CNTN5: variants seen among roughly 807,000 people sequenced by gnomAD.
CNTN5 encodes contactin 5, also known as contactin-5.
A neutral mutation model predicts 129.1 loss-of-function variants in CNTN5; 77 were observed. The ratio of observed to expected loss-of-function variants is 0.60; its 90% confidence interval spans 0.50 to 0.72. CNTN5 has a LOEUF of 0.72. Ranked by LOEUF, CNTN5 falls within the 30% of genes least tolerant of loss-of-function variation. The pLI is 0.00. For missense variants in CNTN5, 1,478 were observed against 1,328.8 expected (o/e 1.11, Z -1.75); for synonymous variants, 509 against 465.6 (o/e 1.09, Z -1.20).
intron 3 of CNTN5, among the ~76,000 whole-genome samples, chr11:99,791,787 A>G (rs1238287412): frequency 6.6e-6 from 1 of 152,032 alleles, no homozygotes; most frequent in African/African-American, 2.4e-5. Flanking sequence ...TTCTTAGAGC[A>G]GTGTTTTGTA....
chr11:99,240,720 A>G (rs1204311434), intron 1 of CNTN5, among the ~76,000 whole-genome samples: 1 of 152,198 alleles, frequency 6.6e-6, no homozygotes, highest in African/African-American at 2.4e-5. Flanking sequence ...AAGAATGAAA[A>G]TTATGATATT....
chr11:99,802,141 T>C (rs1351600390), intron 3 of CNTN5, among the ~76,000 whole-genome samples: 1 of 152,250 alleles, frequency 6.6e-6, no homozygotes, highest in Non-Finnish European at 1.5e-5. Flanking sequence ...ATTTTTTGTC[T>C]GTTCTTCTAT....
intron 8 of CNTN5, among the ~76,000 whole-genome samples, chr11:99,995,414 T>C (rs1939379790): frequency 6.6e-6 from 1 of 152,088 alleles, no homozygotes; most frequent in African/African-American, 2.4e-5. Flanking sequence ...AACTTATCCA[T>C]ATGCTTTCTT....
At chr11:99,283,032 G>A (rs1371753196) in intron 1 of CNTN5, among the ~76,000 whole-genome samples, 2 of 152,038 alleles carry the variant, frequency 1.3e-5, no homozygotes, top group Non-Finnish European at 2.9e-5. Context: ...AAGATGTCAT[G>A]TGGCTAATTC....
chr11:100,211,670 A>T (rs1949035826), intron 15 of CNTN5, among the ~76,000 whole-genome samples: 1 of 152,180 alleles, frequency 6.6e-6, no homozygotes, highest in African/African-American at 2.4e-5. Flanking sequence ...ATTAGTTTAT[A>T]ATCTTTAGTT....
chr11:99,718,783 C>A (rs1426262978), intron 3 of CNTN5, among the ~76,000 whole-genome samples: 2 of 152,042 alleles, frequency 1.3e-5, no homozygotes, highest in Non-Finnish European at 2.9e-5. Flanking sequence ...CCATATTTAA[C>A]TCTAAAATAC....
chr11:99,622,725 G>T (rs560498695), intron 3 of CNTN5, among the ~76,000 whole-genome samples: 1 of 152,016 alleles, frequency 6.6e-6, no homozygotes, highest in East Asian at 1.9e-4. Flanking sequence ...TTATAGCATT[G>T]ATTATTCAAT....
intron 1 of CNTN5, among the ~76,000 whole-genome samples, chr11:99,285,226 C>T (rs1055346122): frequency 2.0e-4 from 31 of 152,146 alleles, no homozygotes; most frequent in African/African-American, 5.1e-4. Context: ...TGTTATTGCA[C>T]GTCTACTGTA....
chr11:99,352,001 G>A (rs1457247231), intron 2 of CNTN5, among the ~76,000 whole-genome samples: 1 of 152,170 alleles, frequency 6.6e-6, no homozygotes, highest in Non-Finnish European at 1.5e-5. Context: ...TAAAGCAGAT[G>A]ACATTGACAA....
chr11:100,338,227 T>G (rs1952077350), intron 21 of CNTN5, among the ~76,000 whole-genome samples: 1 of 152,170 alleles, frequency 6.6e-6, no homozygotes, highest in Non-Finnish European at 1.5e-5. Flanking sequence ...AGCACTGAGG[T>G]TGGTTAAGGT....
intron 1 of CNTN5, among the ~76,000 whole-genome samples, chr11:99,154,128 G>T (rs771236808): frequency 5.3e-5 from 8 of 152,172 alleles, no homozygotes; most frequent in Non-Finnish European, 1.2e-4. Context: ...TTGCTTGCAT[G>T]TGCCAGCAAT....
At chr11:100,178,711 T>C (rs985970489) in intron 13 of CNTN5, among the ~76,000 whole-genome samples, 7 of 152,204 alleles carry the variant, frequency 4.6e-5, no homozygotes, top group African/African-American at 1.7e-4. Context: ...GCCAGTGAAG[T>C]GTGAATAGAA....
intron 3 of CNTN5, among the ~76,000 whole-genome samples, chr11:99,785,902 T>C (rs1161938959): frequency 6.6e-6 from 1 of 152,138 alleles, no homozygotes; most frequent in Non-Finnish European, 1.5e-5. Flanking sequence ...AATATTATAC[T>C]GAATGGGCAA....
chr11:99,079,400 A>G (rs1379841974), intron 1 of CNTN5, among the ~76,000 whole-genome samples: 1 of 152,162 alleles, frequency 6.6e-6, no homozygotes, highest in African/African-American at 2.4e-5. Flanking sequence ...TTTAGATGCT[A>G]TGGTTAGAAA....
chr11:100,007,712 A>G (rs1038174404), intron 9 of CNTN5, among the ~76,000 whole-genome samples: 16 of 151,920 alleles, frequency 1.1e-4, no homozygotes, highest in Admixed American at 7.2e-4. Context: ...CTTTCTTTCT[A>G]TCAGCAATAA....
intron 2 of CNTN5, among the ~76,000 whole-genome samples, chr11:99,413,543 C>T (rs1049499560): frequency 3.3e-5 from 5 of 152,006 alleles, no homozygotes; most frequent in Non-Finnish European, 1.5e-5. Context: ...TGCTTGAATC[C>T]AGGAGGCAGA....
At chr11:100,319,385 T>G (rs1951638326) in intron 21 of CNTN5, among the ~76,000 whole-genome samples, 1 of 152,106 alleles carries the variant, frequency 6.6e-6, no homozygotes. Context: ...ACTCCTGACC[T>G]CAGGTGATCC....
intron 3 of CNTN5, among the ~76,000 whole-genome samples, chr11:99,650,511 G>A (rs1952115207): frequency 6.6e-6 from 1 of 151,802 alleles, no homozygotes; most frequent in Admixed American, 6.6e-5. Context: ...GAACATTACT[G>A]ATTTTTTTTA....
At chr11:99,446,104 A>G (rs1944059396) in intron 2 of CNTN5, among the ~76,000 whole-genome samples, 1 of 150,296 alleles carries the variant, frequency 6.7e-6, no homozygotes, top group Admixed American at 6.6e-5. Context: ...AAAAAAAACA[A>G]CCAAACTTCC....
Sources: gnomAD v4.1 joint callset for allele counts (sites outside exome capture counted in the v4.1 genomes callset) on GRCh38, gnomAD v4.1.1 for gene constraint, MANE v1.5 for transcripts, NCBI Gene and HGNC (gene_info 2026-07-23, HGNC 2026-07-21) for gene names.